The following CASZ1 variants were observed in gnomAD, a reference collection of about 807,000 sequenced individuals.
CASZ1 encodes castor zinc finger 1.
CASZ1 carries 28 observed loss-of-function variants against 135.2 expected under a neutral mutation model. The observed-to-expected ratio is 0.21, with a 90% CI of 0.15 to 0.28. The LOEUF (loss-of-function observed/expected upper bound fraction) is 0.28. CASZ1 is among the 10% of genes least tolerant of loss of function. CASZ1 has a pLI of 1.00. For synonymous variants in CASZ1, 1,068 were observed against 1,073.4 expected, an observed-to-expected ratio of 0.99 and a Z score of 0.10; for missense variants, 2,161 against 2,453.3, an observed-to-expected ratio of 0.88 and a Z score of 2.52.
intron 2 of CASZ1, among the ~76,000 whole-genome samples, chr1:10,736,403 C>A (rs997189592): frequency 2.0e-5 from 3 of 152,188 alleles, no homozygotes; most frequent in African/African-American, 7.2e-5. Flanking sequence ...ACCCCGAACC[C>A]GGGGAGTCCT....
intron 4 of CASZ1, among the ~76,000 whole-genome samples, chr1:10,671,748 C>G (rs991300378): frequency 6.6e-6 from 1 of 152,248 alleles, no homozygotes; most frequent in East Asian, 1.9e-4. Flanking sequence ...ACCTCGGGTC[C>G]TTACTCGCTA....
chr1:10,747,482 C>A lies in CASZ1; in HGVS notation c.-77+13219G>T, dbSNP rs998988410. ...GTTCCACCCAGATGTCAGGGAAGAA[C>A]CCTGGAGTAGAACACATCTCAGCAC... On this transcript the variant is annotated intron_variant, in intron 2 of 20. Transcript: ENST00000377022. This position sits in a 1 kb window ranked among gnomAD's most constrained non-coding sequence, Gnocchi z 4.3. 3.9e-5 allele frequency among the ~76,000 whole-genome samples: 6 copies of A among 152,194 alleles called. No homozygotes were observed. Among genetic ancestry groups the A allele is most frequent in the Non-Finnish European group, 7.3e-5 (5 of 68,032 alleles).
At chr1:10,650,629 C>T in intron 13 of CASZ1, 63 bp downstream of exon 13, 1 of 1,380,524 alleles carries the variant, frequency 7.2e-7, no homozygotes, top group Non-Finnish European at 1.0e-6. Flanking sequence ...TCCCCCCACC[C>T]CCCAGCACAG....
At chr1:10,695,416 C>T (rs930079997) in intron 3 of CASZ1, among the ~76,000 whole-genome samples, 2 of 152,134 alleles carry the variant, frequency 1.3e-5, no homozygotes, top group Non-Finnish European at 2.9e-5. Flanking sequence ...GAGATCGGCG[C>T]CCCACTTTCC....
intron 2 of CASZ1, among the ~76,000 whole-genome samples, chr1:10,715,938 A>G (rs1390821191): frequency 7.5e-6 from 1 of 133,016 alleles, no homozygotes; most frequent in African/African-American, 2.9e-5. Context: ...CGCTTCCCAC[A>G]GCACCCAATC....
rs370387026 is a variant in CASZ1, at chr1:10,654,505, G to A, written c.1752C>T (p.Asp584=). 15 of 1,614,124 alleles carry A rather than the reference G, an allele frequency of 9.3e-6. No individual in the cohort carries two copies. The highest frequency in any genetic ancestry group is 4.5e-5 in the East Asian group (2 of 44,904). The change falls in exon 10 of 21, where the codon GAC becomes GAT. Residue 584 remains aspartate (D), a synonymous_variant. Transcript: ENST00000377022. Reference sequence around the variant, plus strand: ...CGGTGGCTCGGAAGCGCTGGAAGCCGTCGTTAATGAGCTGGGTATTCTTCT... The same window carrying A: ...CGGTGGCTCGGAAGCGCTGGAAGCCATCGTTAATGAGCTGGGTATTCTTCT... ...FHKKNTQLIN[D]GFQRFRATED...
rs1043351400 is a variant in CASZ1 at position 10,665,646 on chromosome 1, G to A, written c.17-75C>T. The A allele has an allele frequency of 1.2e-5, 17 of 1,431,502 alleles. No homozygotes were observed. The African/African-American group carries it at 2.4e-4, about 21-fold the overall frequency. 88.7% of individuals were successfully genotyped at this position (1,431,502 alleles called of 1,614,324 possible). On this transcript the variant is annotated intron_variant, in intron 4 of 20. Coordinates refer to ENST00000377022, the MANE Select transcript of CASZ1 (RefSeq NM_001079843.3). ...ACAACCCACCCTCCCGAACAGCCCT[G>A]CATCCCCCAAGCTGCAGGCCTCCCC...
rs145765885 is a variant in CASZ1, at chr1:10,706,936, G to C, written c.-76-1392C>G. ...CTGTGTAAAGGGGGAATAAGGAAAA[G>C]AGAAGGAGCTGGCCAGGAGAGGAGA... On this transcript the variant is annotated intron_variant, in intron 2 of 20. Coordinates refer to ENST00000377022, the MANE Select transcript of CASZ1 (RefSeq NM_001079843.3). The surrounding 1 kb of genome is among the most constrained non-coding windows in gnomAD (Gnocchi z 4.3). Among the ~76,000 whole-genome samples the C allele has an allele frequency of 8.3e-4, 126 of 152,218 alleles. No individual in the cohort carries two copies. Among genetic ancestry groups the C allele is most frequent in the African/African-American group, 2.7e-3 (113 of 41,534 alleles).
At chr1:10,695,957 C>T (rs1334729923) in intron 3 of CASZ1, among the ~76,000 whole-genome samples, 1 of 152,162 alleles carries the variant, frequency 6.6e-6, no homozygotes, top group Non-Finnish European at 1.5e-5. Flanking sequence ...CAGCGCTCCT[C>T]TTTCAGGAGG....
chr1:10,662,594 TCA>T (rs936046168), intron 5 of CASZ1, among the ~76,000 whole-genome samples: 2 of 142,564 alleles, frequency 1.4e-5, no homozygotes, highest in Non-Finnish European at 3.1e-5. Flanking sequence ...ACACACACAA[TCA>T]CACACACTCT....
In CASZ1 at chr1:10,777,721, A is replaced by G. The variant is rs1401318936; in HGVS notation, c.-233-16864T>C. 6.7e-6 allele frequency among the ~76,000 whole-genome samples: 1 copy of G among 149,664 alleles called. No homozygotes were observed. The highest frequency in any genetic ancestry group is 1.5e-5 in the Non-Finnish European group (1 of 67,222). On this transcript the variant is annotated intron_variant, in intron 1 of 20. Transcript: ENST00000377022. This position sits in a 1 kb window ranked among gnomAD's most constrained non-coding sequence, Gnocchi z 4.4. The stretch of plus-strand genomic sequence containing the variant: ...ACCATCTCATACAAAATCACACACA[A>G]AACCACATACCACGTTACAATCACA...
At chr1:10,737,786 G>A (rs1004191576) in intron 2 of CASZ1, among the ~76,000 whole-genome samples, 10 of 152,222 alleles carry the variant, frequency 6.6e-5, no homozygotes, top group African/African-American at 2.4e-4. Context: ...ACAGTGGGCC[G>A]AGGTGCTCGG....
intron 4 of CASZ1, among the ~76,000 whole-genome samples, chr1:10,690,540 T>A (rs1638730794): frequency 6.6e-6 from 1 of 152,144 alleles, no homozygotes; most frequent in African/African-American, 2.4e-5. Flanking sequence ...CGATGGGGGA[T>A]CTGCTGGCAA....
intron 1 of CASZ1, among the ~76,000 whole-genome samples, chr1:10,765,228 G>A (rs1013675141): frequency 6.6e-6 from 1 of 152,088 alleles, no homozygotes; most frequent in Non-Finnish European, 1.5e-5. Context: ...GAAGACACTG[G>A]GAAGTGGTAG....
rs908838457 is a variant in CASZ1 at position 10,666,148 on chromosome 1, C to T, written c.17-577G>A. 6.6e-6 allele frequency among the ~76,000 whole-genome samples: 1 copy of T among 152,158 alleles called. No individual in the cohort carries two copies. The highest frequency in any genetic ancestry group is 2.4e-5 in the African/African-American group (1 of 41,434). On this transcript the variant is annotated intron_variant, in intron 4 of 20. Coordinates refer to ENST00000377022, the MANE Select transcript of CASZ1 (RefSeq NM_001079843.3). This position sits in a 1 kb window ranked among gnomAD's most constrained non-coding sequence, Gnocchi z 5.2. ...AGCACTTGGCTGGCACCCTCCCACC[C>T]GAGCACGTCAGCCCCTGGCGGCTCC...
chr1:10,662,853 C>T lies in CASZ1; in HGVS notation c.505+2230G>A, dbSNP rs1325998446. Among the ~76,000 whole-genome samples, 3 of 152,314 alleles carry T rather than the reference C, an allele frequency of 2.0e-5. No homozygotes were observed. In the East Asian group the frequency reaches 5.8e-4, roughly 29 times the overall value. On this transcript the variant is annotated intron_variant, in intron 5 of 20. Coordinates refer to ENST00000377022, the MANE Select transcript of CASZ1 (RefSeq NM_001079843.3). ...GGTACACAACCCCCTGAACCCCTGCCCTGGGTCTCTCGGAATGAGGGAGAA... is the reference window on the plus strand; with the variant it reads ...GGTACACAACCCCCTGAACCCCTGCTCTGGGTCTCTCGGAATGAGGGAGAA...
intron 2 of CASZ1, among the ~76,000 whole-genome samples, chr1:10,731,101 G>A (rs939968837): frequency 1.1e-4 from 11 of 99,366 alleles, no homozygotes; most frequent in Admixed American, 9.2e-4. Context: ...GCTAGACTCC[G>A]TCTAAAAAAA....
Position 10,741,278 on chromosome 1 carries a change from TGGC to T in CASZ1, c.-77+19420_-77+19422del, listed in dbSNP as rs1639916960. On this transcript the variant is annotated intron_variant, in intron 2 of 20. Transcript: ENST00000377022. This position sits in a 1 kb window ranked among gnomAD's most constrained non-coding sequence, Gnocchi z 5.0. ...GATTACAGGCGTGAGCCACTGCGCC[TGGC>T]TCTATATTGGGCTTTAAACGACATG... Among the ~76,000 whole-genome samples the T allele has an allele frequency of 6.6e-6, 1 of 152,216 alleles. No homozygotes were observed. The highest frequency in any genetic ancestry group is 1.5e-5 in the Non-Finnish European group (1 of 68,040).
At chr1:10,748,196 G>C (rs149863067) in intron 2 of CASZ1, among the ~76,000 whole-genome samples, 1 of 152,162 alleles carries the variant, frequency 6.6e-6, no homozygotes, top group Admixed American at 6.5e-5. Flanking sequence ...TGCCAGGCCC[G>C]GCCTGTCCTT....
Sources: allele counts gnomAD v4.1 joint callset (sites outside exome capture counted in the v4.1 genomes callset), GRCh38; gene constraint gnomAD v4.1.1; non-coding constraint Gnocchi (gnomAD v3.1); transcripts MANE v1.5; gene names NCBI Gene and HGNC (gene_info 2026-07-23, HGNC 2026-07-21).